The following N4BP2 variants were observed in gnomAD, a reference collection of about 807,000 sequenced individuals.
The protein encoded by N4BP2 is NEDD4 binding protein 2.
N4BP2 carries 91 observed loss-of-function variants against 152.8 expected under a neutral mutation model. The observed-to-expected ratio is 0.60, with a 90% confidence interval of 0.50 to 0.71. N4BP2 has a LOEUF of 0.71. N4BP2 is among the 30% of genes least tolerant of loss of function. N4BP2 has a pLI of 0.00. For missense variants in N4BP2, 1,923 were observed against 2,059.1 expected, an observed-to-expected ratio of 0.93 and a Z score of 1.28; for synonymous variants, 646 against 705.3, an observed-to-expected ratio of 0.92 and a Z score of 1.33.
chr4:40,095,062 C>G (rs755090772), intron 2 of N4BP2, among the ~76,000 whole-genome samples: 1 of 150,988 alleles, frequency 6.6e-6, no homozygotes, highest in Non-Finnish European at 1.5e-5. Flanking sequence ...AGTCGCGAGC[C>G]CCTGAGTCTG....
At chr4:40,106,457 T>C (rs138365452) in intron 4 of N4BP2, among the ~76,000 whole-genome samples, 82 of 152,290 alleles carry the variant, frequency 5.4e-4, no homozygotes, top group African/African-American at 1.9e-3. Context: ...GCTGGGACTA[T>C]AGGTGCACAC....
At chr4:40,137,672 G>C (rs973281608) in intron 14 of N4BP2, among the ~76,000 whole-genome samples, 1 of 152,140 alleles carries the variant, frequency 6.6e-6, no homozygotes, top group Non-Finnish European at 1.5e-5. Flanking sequence ...GGAAACAGGA[G>C]GTATGGCTTG....
rs772456939 is a variant in N4BP2, at chr4:40,120,852, C to G, written c.2741C>G (p.Thr914Arg). 6 of 1,613,922 alleles carry G rather than the reference C, an allele frequency of 3.7e-6. No homozygotes were observed. The highest frequency in any genetic ancestry group is 5.1e-6 in the Non-Finnish European group (6 of 1,180,010). The change falls in exon 9 of 18, where the codon ACA becomes AGA. Residue 914 changes from threonine (T) to arginine (R), a missense_variant. Physicochemically the swap from Thr to Arg is moderately conservative, Grantham distance 71. Transcript: ENST00000261435. The stretch of plus-strand genomic sequence containing the variant: ...AGTGAGCCCAACCTAGAAATTGGAA[C>G]AAATGACAAAATGAATGAAATATCC... ...GLSEPNLEIG[T>R]NDKMNEISLS...
intron 11 of N4BP2, among the ~76,000 whole-genome samples, chr4:40,125,622 A>G (rs1368998389): frequency 6.6e-6 from 1 of 152,222 alleles, no homozygotes; most frequent in Non-Finnish European, 1.5e-5. Flanking sequence ...GCGGTGGCTC[A>G]CGCCTGTAAT....
chr4:40,179,443 C>T, the N4BP2 span, among the ~76,000 whole-genome samples: 1 of 152,128 alleles, frequency 6.6e-6, no homozygotes, highest in African/African-American at 2.4e-5. Flanking sequence ...CTAATAGTAG[C>T]TAATGTTTAT....
At chr4:40,099,291 G>A (rs1044666458) in intron 3 of N4BP2, among the ~76,000 whole-genome samples, 49 of 152,172 alleles carry the variant, frequency 3.2e-4, no homozygotes, top group African/African-American at 1.1e-3. Flanking sequence ...TGCCCAGGCC[G>A]GAGTGCAGTG....
intron 1 of N4BP2, among the ~76,000 whole-genome samples, chr4:40,072,011 G>A (rs144640453): frequency 0.017 from 2,544 of 151,914 alleles, 84 homozygotes; most frequent in African/African-American, 0.058. Flanking sequence ...GGGTTCAAGC[G>A]ATTCTCATGC....
intron 15 of N4BP2, among the ~76,000 whole-genome samples, chr4:40,143,308 CTTTATTTA>C (rs897721544): frequency 1.3e-5 from 2 of 151,870 alleles, no homozygotes; most frequent in East Asian, 1.9e-4. Flanking sequence ...AAGGAACTTG[CTTTATTTA>C]TTTATTTATT....
At chr4:40,131,543 C>G (rs114844967) in intron 12 of N4BP2, among the ~76,000 whole-genome samples, 1,575 of 151,822 alleles carry the variant, frequency 0.01, 25 homozygotes, top group African/African-American at 0.036. Flanking sequence ...CATACAGATG[C>G]CCACACATAC....
rs1717508351 is a variant in N4BP2, at chr4:40,117,975, A to G, written c.1771A>G (p.Ile591Val). 1 of 1,612,432 alleles carries G rather than the reference A, an allele frequency of 6.2e-7. No homozygotes were observed. Among genetic ancestry groups the G allele is most frequent in the African/African-American group, 1.3e-5 (1 of 74,852 alleles). ...TATGAGTTCTTCGGTTCCAGAGAAAATTGAACGTATTGAGTTGTGTGCATA... is the reference window on the plus strand; with the variant it reads ...TATGAGTTCTTCGGTTCCAGAGAAAGTTGAACGTATTGAGTTGTGTGCATA... ...IIMSSSVPEK[I>V]ERIELCAYSC... The change falls in exon 8 of 18, where the codon ATT (isoleucine) becomes GTT (valine). Residue 591 changes from isoleucine (I) to valine (V), a missense_variant. Transcript: ENST00000261435.
intron 16 of N4BP2, among the ~76,000 whole-genome samples, chr4:40,150,213 G>C (rs948787095): frequency 6.6e-6 from 1 of 152,224 alleles, no homozygotes; most frequent in Admixed American, 6.5e-5. Flanking sequence ...CCTTCTGGTT[G>C]AAATATACAC....
intron 2 of N4BP2, among the ~76,000 whole-genome samples, chr4:40,078,986 C>CTGT (rs773541922): frequency 7.9e-5 from 12 of 151,586 alleles, no homozygotes; most frequent in Non-Finnish European, 1.6e-4. Flanking sequence ...GAGTCTCACT[C>CTGT]TGTTGCCCAG....
rs752756658 is a variant in N4BP2, at chr4:40,102,236, G to C, written c.391G>C (p.Asp131His). The C allele has an allele frequency of 6.2e-7, 1 of 1,613,872 alleles. No homozygotes were observed. The highest frequency in any genetic ancestry group is 1.1e-5 in the South Asian group (1 of 91,060). Residue 131 changes from aspartate to histidine, a missense_variant, in exon 4 of 18, where the codon GAT (aspartate) becomes CAT (histidine). Asp to His is a moderately conservative substitution (Grantham distance 81). Coordinates refer to ENST00000261435, the MANE Select transcript of N4BP2 (RefSeq NM_018177.6). ...AGAAGAGAGTGAAGATTCAAAAATG[G>C]ATTCATTTTTGGACATGCAGCTAAC... ...PEEESEDSKM[D>H]SFLDMQLTED...
chr4:40,171,192 G>T, the N4BP2 span, among the ~76,000 whole-genome samples: 1 of 152,148 alleles, frequency 6.6e-6, no homozygotes, highest in African/African-American at 2.4e-5. Flanking sequence ...TCTGCCCTTC[G>T]CAAGTTCTTC....
chr4:40,117,510 C>T lies in N4BP2; in HGVS notation c.1665-359C>T, dbSNP rs897969944. Among the ~76,000 whole-genome samples, 11 of 152,166 alleles carry T rather than the reference C, an allele frequency of 7.2e-5. No individual in the cohort carries two copies. In the East Asian group the frequency reaches 9.6e-4, roughly 13 times the overall value. On this transcript the variant is annotated intron_variant, in intron 7 of 17. Coordinates refer to ENST00000261435, the MANE Select transcript of N4BP2 (RefSeq NM_018177.6). ...ACCTAGATGCTGTGTGAAAGTACTCCGAGTTGAAGGCCTCAGAATTCTCAT... is the reference window on the plus strand; with the variant it reads ...ACCTAGATGCTGTGTGAAAGTACTCTGAGTTGAAGGCCTCAGAATTCTCAT...
intron 13 of N4BP2, among the ~76,000 whole-genome samples, chr4:40,132,152 A>G (rs549267675): frequency 6.6e-6 from 1 of 152,268 alleles, no homozygotes; most frequent in African/African-American, 2.4e-5. Flanking sequence ...TTTACAAATT[A>G]GGCACAGTAA....
chr4:40,121,031 T>C lies in N4BP2; in HGVS notation c.2920T>C (p.Ser974Pro), dbSNP rs755541983. 1.1e-5 allele frequency: 17 copies of C among 1,614,054 alleles called. No individual in the cohort carries two copies. The highest frequency in any genetic ancestry group is 1.4e-5 in the Non-Finnish European group (17 of 1,180,002). The change falls in exon 9 of 18, where the codon TCG becomes CCG. Residue 974 changes from serine to proline, a missense_variant. Coordinates refer to ENST00000261435, the MANE Select transcript of N4BP2 (RefSeq NM_018177.6). ...LSKKSHGQHT[S>P]LPLTFTNSAP... is the part of the protein sequence containing the mutation. ...TAAAAAGAGTCATGGGCAACACACA[T>C]CGTTGCCTCTTACTTTTACCAATAG...
intron 16 of N4BP2, among the ~76,000 whole-genome samples, chr4:40,147,865 C>T (rs1408106444): frequency 1.5e-4 from 23 of 151,838 alleles, no homozygotes; most frequent in Admixed American, 1.5e-3. Context: ...CGCGGCCAGG[C>T]AGAGGCGCTC....
intron 1 of N4BP2, among the ~76,000 whole-genome samples, chr4:40,061,330 C>T (rs921331558): frequency 6.0e-5 from 9 of 150,784 alleles, no homozygotes; most frequent in South Asian, 2.1e-4. Context: ...CTGCCATGTT[C>T]GGCTAATTTT....
Sources: gnomAD v4.1 joint callset for allele counts (sites outside exome capture counted in the v4.1 genomes callset) on GRCh38, gnomAD v4.1.1 for gene constraint, MANE v1.5 for transcripts, NCBI Gene and HGNC (gene_info 2026-07-23, HGNC 2026-07-21) for gene names.